The following DGKB variants were observed in gnomAD, a reference collection of about 807,000 sequenced individuals.
DGKB encodes the protein diacylglycerol kinase beta.
In DGKB, 67 loss-of-function variants were observed where a neutral mutation model predicts 114.3. The ratio of observed to expected loss-of-function variants is 0.59; its 90% confidence interval spans 0.48 to 0.72. The LOEUF is 0.72. Among genes scored for constraint, DGKB ranks in the 30% least tolerant of loss-of-function variants. The probability of loss-of-function intolerance (pLI) is 0.00; values close to 1 mark genes in which losing one functional copy is unlikely to be tolerated. For synonymous variants in DGKB, 398 were observed against 323.1 expected (o/e 1.23, Z -2.49); for missense variants, 907 against 975.2 (o/e 0.93, Z 0.93).
At chr7:14,432,422 A>G (rs998447643) in intron 21 of DGKB, among the ~76,000 whole-genome samples, 3 of 152,112 alleles carry the variant, frequency 2.0e-5, no homozygotes, top group African/African-American at 7.2e-5. Flanking sequence ...GCACTTTTCC[A>G]CATGTCTTTA....
chr7:14,935,218 A>T (rs1785213565), intron 1 of DGKB, among the ~76,000 whole-genome samples: 1 of 152,152 alleles, frequency 6.6e-6, no homozygotes, highest in African/African-American at 2.4e-5. Flanking sequence ...AACAAAAAAG[A>T]GAGCATTTAT....
intron 1 of DGKB, among the ~76,000 whole-genome samples, chr7:14,937,840 T>A (rs908888016): frequency 1.3e-5 from 2 of 152,172 alleles, no homozygotes; most frequent in African/African-American, 4.8e-5. Context: ...TTTATGATGA[T>A]CCACTTTCAC....
At chr7:14,821,432 T>C (rs1844913659) in intron 2 of DGKB, among the ~76,000 whole-genome samples, 1 of 152,122 alleles carries the variant, frequency 6.6e-6, no homozygotes, top group African/African-American at 2.4e-5. Context: ...TTGATGTAGA[T>C]AATATCAGAG....
chr7:14,625,932 C>A (rs1808488423), intron 14 of DGKB, among the ~76,000 whole-genome samples: 1 of 152,012 alleles, frequency 6.6e-6, no homozygotes, highest in African/African-American at 2.4e-5. Flanking sequence ...TCCGTAGACT[C>A]CACAAGTAGC....
At chr7:14,404,156 T>C (rs1279335091) in intron 21 of DGKB, among the ~76,000 whole-genome samples, 2 of 150,862 alleles carry the variant, frequency 1.3e-5, no homozygotes, top group Admixed American at 1.3e-4. Context: ...TTTCTTCTAA[T>C]AATCAAACAT....
At position 14,827,403 on chromosome 7, in the gene DGKB, C is replaced by T. The variant is rs150582739; in HGVS notation, c.70+13791G>A. Among the ~76,000 whole-genome samples the T allele has an allele frequency of 3.9e-3, 589 of 151,646 alleles. 2 individuals are homozygous for T. The highest frequency in any genetic ancestry group is 5.1e-3 in the Non-Finnish European group (344 of 67,918). ...ATAATAGAGAGGCCTAGAGCATTTG[C>T]GGGGCAGAAAGACAGGGAGAGAGAG... On this transcript the variant is annotated intron_variant, in intron 2 of 25. Coordinates refer to ENST00000402815, the MANE Select transcript of DGKB (RefSeq NM_001350709.2).
intron 21 of DGKB, among the ~76,000 whole-genome samples, chr7:14,381,384 CCT>C (rs1350544762): frequency 6.6e-6 from 1 of 152,062 alleles, no homozygotes; most frequent in Non-Finnish European, 1.5e-5. Flanking sequence ...TAGTGAATGT[CCT>C]CTGTGTGTTG....
chr7:14,369,716 C>T (rs28775986), intron 21 of DGKB, among the ~76,000 whole-genome samples: 8,461 of 152,090 alleles, frequency 0.056, 622 homozygotes, highest in African/African-American at 0.17. Flanking sequence ...CATAAATGTC[C>T]TCTTTTGAGA....
At chr7:14,314,116 C>T (rs936714339) in intron 23 of DGKB, among the ~76,000 whole-genome samples, 48 of 152,078 alleles carry the variant, frequency 3.2e-4, no homozygotes, top group Non-Finnish European at 6.5e-4. Context: ...GACATCCACA[C>T]CAAAAACTCA....
At chr7:14,294,349 G>A (rs954906362) in intron 23 of DGKB, among the ~76,000 whole-genome samples, 1 of 152,092 alleles carries the variant, frequency 6.6e-6, no homozygotes, top group Non-Finnish European at 1.5e-5. Flanking sequence ...AGTCATCTTT[G>A]GAGAGGGGCC....
intron 20 of DGKB, among the ~76,000 whole-genome samples, chr7:14,540,556 G>A (rs1793259554): frequency 6.6e-6 from 1 of 152,116 alleles, no homozygotes; most frequent in Admixed American, 6.6e-5. Flanking sequence ...GACTGCTTGT[G>A]CAAAGTCATC....
intron 20 of DGKB, among the ~76,000 whole-genome samples, chr7:14,545,763 G>A (rs1212774149): frequency 1.3e-5 from 2 of 152,168 alleles, no homozygotes; most frequent in South Asian, 2.1e-4. Context: ...ATCTGACATC[G>A]TATACTGGGT....
intron 2 of DGKB, among the ~76,000 whole-genome samples, chr7:14,823,226 T>G (rs948810808): frequency 6.6e-6 from 1 of 151,884 alleles, no homozygotes; most frequent in Admixed American, 6.6e-5. Context: ...GATACAGTAT[T>G]GAAATATGTA....
chr7:14,657,844 A>T (rs1256882575), intron 13 of DGKB, among the ~76,000 whole-genome samples: 2 of 151,900 alleles, frequency 1.3e-5, no homozygotes, highest in African/African-American at 4.8e-5. Flanking sequence ...TAGCATTGGG[A>T]TTGTCATTAT....
At chr7:14,294,709 A>G (rs1446119324) in intron 23 of DGKB, among the ~76,000 whole-genome samples, 1 of 152,184 alleles carries the variant, frequency 6.6e-6, no homozygotes, top group Non-Finnish European at 1.5e-5. Flanking sequence ...CAGTTAATAC[A>G]TTTTGTTGCA....
At chr7:14,825,016 G>GTGTATATATATATATATATATATATA (rs1480765381) in intron 2 of DGKB, among the ~76,000 whole-genome samples, 1 of 92,382 alleles carries the variant, frequency 1.1e-5, no homozygotes, top group Non-Finnish European at 2.4e-5. Flanking sequence ...GTATGTGTAT[G>GTGTATATATATATATATATATATATA]TATATATATA....
intron 23 of DGKB, chr7:14,191,870 G>T: frequency 1.9e-6 from 1 of 513,690 alleles, no homozygotes; most frequent in Non-Finnish European, 3.8e-6. Context: ...AGTTCACATT[G>T]CTTGCCAGTT....
chr7:14,394,662 G>A (rs1350225864), intron 21 of DGKB, among the ~76,000 whole-genome samples: 2 of 74,482 alleles, frequency 2.7e-5, no homozygotes, highest in African/African-American at 5.8e-5. Flanking sequence ...CCCCATCAAT[G>A]ACCATTTTTT....
chr7:14,631,813 T>G (rs1809772884), intron 13 of DGKB, among the ~76,000 whole-genome samples: 4 of 152,044 alleles, frequency 2.6e-5, no homozygotes, highest in Admixed American at 2.6e-4. Flanking sequence ...TTGCAAGACA[T>G]GGATATAGTC....
Sources: allele counts gnomAD v4.1 joint callset (sites outside exome capture counted in the v4.1 genomes callset), GRCh38; gene constraint gnomAD v4.1.1; transcripts MANE v1.5; gene names NCBI Gene and HGNC (gene_info 2026-07-23, HGNC 2026-07-21).